Variants in SMARCA2 observed in about 807,000 individuals in gnomAD.
The protein encoded by SMARCA2 is SWI/SNF-related matrix-associated actin-dependent regulator of chromatin subfamily A member 2.
SMARCA2 carries 61 observed loss-of-function variants against 199.8 expected under a neutral mutation model. The observed-to-expected ratio is 0.31, with a 90% CI of 0.25 to 0.38. The LOEUF is 0.38. Ranked by LOEUF, SMARCA2 falls within the 10% of genes least tolerant of loss-of-function variation. SMARCA2 has a pLI of 1.00. For missense variants in SMARCA2, 1,344 were observed against 2,012.2 expected (o/e 0.67, Z 6.35); for synonymous variants, 935 against 732.0 (o/e 1.28, Z -4.48).
intron 4 of SMARCA2, chr9:2,040,284 T>G (rs1379395822): frequency 5.5e-6 from 2 of 362,888 alleles, no homozygotes; most frequent in Non-Finnish European, 9.9e-6. Context: ...TAGAGCCATT[T>G]TATAATTTGT....
intron 29 of SMARCA2, among the ~76,000 whole-genome samples, chr9:2,174,123 C>T (rs1439530574): frequency 6.6e-6 from 1 of 152,130 alleles, no homozygotes; most frequent in African/African-American, 2.4e-5. Context: ...AGAATGCTTC[C>T]CCTTATCTTC....
At chr9:2,167,962 A>G (rs550888114) in intron 28 of SMARCA2, among the ~76,000 whole-genome samples, 7 of 151,884 alleles carry the variant, frequency 4.6e-5, no homozygotes, top group Non-Finnish European at 8.8e-5. Context: ...CAATGACATT[A>G]CCTGGTACTT....
intron 5 of SMARCA2, 141 bp downstream of exon 5, chr9:2,047,625 G>T: frequency 9.4e-7 from 1 of 1,060,338 alleles, no homozygotes; most frequent in Non-Finnish European, 1.2e-6. Context: ...ATCCACTCCT[G>T]GGGCCTTCCC....
chr9:2,157,581 A>C, intron 27 of SMARCA2: 1 of 268,688 alleles, frequency 3.7e-6, no homozygotes. Flanking sequence ...TGCACATGGA[A>C]GAAATTTCCA....
intron 1 of SMARCA2, among the ~76,000 whole-genome samples, chr9:2,019,235 A>C (rs1302432104): frequency 6.6e-6 from 1 of 152,000 alleles, no homozygotes; most frequent in African/African-American, 2.4e-5. Context: ...TGAATGAGGA[A>C]TGTGGGGTAT....
intron 19 of SMARCA2, among the ~76,000 whole-genome samples, chr9:2,092,200 A>G (rs908435097): frequency 6.6e-6 from 1 of 152,164 alleles, no homozygotes; most frequent in African/African-American, 2.4e-5. Context: ...TATACTTGCA[A>G]TTGGCTGGGT....
At chr9:2,191,564 G>A in intron 33 of SMARCA2, 156 bp downstream of exon 33, 1 of 795,876 alleles carries the variant, frequency 1.3e-6, no homozygotes, top group South Asian at 1.8e-5. Context: ...TGTGAACGGA[G>A]CTGTATGATT....
intron 27 of SMARCA2, among the ~76,000 whole-genome samples, chr9:2,146,466 G>A (rs568408466): frequency 3.3e-5 from 5 of 152,238 alleles, no homozygotes; most frequent in African/African-American, 9.6e-5. Context: ...CCTTTGGATC[G>A]GGGGTTTCCT....
In SMARCA2 at chr9:2,104,159, A is replaced by G. The variant is rs140418138; in HGVS notation, c.3282A>G (p.Leu1094=). Residue 1094 remains leucine, a synonymous_variant, in exon 23 of 34, where the codon CTA becomes CTG. Coordinates refer to ENST00000349721, the MANE Select transcript of SMARCA2 (RefSeq NM_003070.5). This position sits in a 1 kb window ranked among gnomAD's most constrained non-coding sequence, Gnocchi z 4.0. Reference sequence around the variant, plus strand: ...TTGCTTTTCGGAACTTCCTTTACCTACGCCTTGATGGTAAGTGCATAAGGC... The same window carrying G: ...TTGCTTTTCGGAACTTCCTTTACCTGCGCCTTGATGGTAAGTGCATAAGGC... ...DYFAFRNFLY[L]RLDGTTKSED... 335 of 1,613,778 alleles carry G rather than the reference A, an allele frequency of 2.1e-4. 1 individual carries two copies. The Middle Eastern group carries it at 2.1e-3, about 10-fold the overall frequency.
intron 1 of SMARCA2, among the ~76,000 whole-genome samples, chr9:2,019,824 T>G (rs1391011506): frequency 6.6e-6 from 1 of 152,008 alleles, no homozygotes; most frequent in African/African-American, 2.4e-5. Context: ...TTGTTTTTTT[T>G]TTTTCTCCTT....
chr9:2,096,618 C>T (rs1563765608), intron 19 of SMARCA2, 39 bp from the exon 20 acceptor site: 6 of 1,352,988 alleles, frequency 4.4e-6, no homozygotes, highest in East Asian at 2.3e-5. Flanking sequence ...GCGCCTTCTC[C>T]TTCCTGCTCT....
chr9:2,060,531 C>G (rs1820542757), intron 8 of SMARCA2, among the ~76,000 whole-genome samples: 1 of 152,232 alleles, frequency 6.6e-6, no homozygotes, highest in Admixed American at 6.5e-5. Flanking sequence ...TAAAGCAACA[C>G]AGAAAACAAA....
chr9:2,192,934 A>AGGCC lies in SMARCA2; in HGVS notation c.*195_*196insGGCC, dbSNP rs1827992746. The AGGCC allele has an allele frequency of 3.7e-6, 2 of 540,382 alleles. No homozygotes were observed. The highest frequency in any genetic ancestry group is 3.6e-5 in the Admixed American group (1 of 27,836). The allele number at this position is 540,382 out of a possible 1,614,324, so 33.5% of individuals were successfully genotyped here. A position where few individuals can be genotyped will look rare whatever the true frequency, so the allele number is the denominator to read the frequency against. On this transcript the variant is annotated 3_prime_UTR_variant, in exon 34 of 34. Coordinates refer to ENST00000349721, the MANE Select transcript of SMARCA2 (RefSeq NM_003070.5). Reference sequence around the variant, plus strand: ...ACACACACATACACAAATATTTGTAACATATTGTGACCAAATGGGCCTCAA... The same window carrying AGGCC: ...ACACACACATACACAAATATTTGTAAGGCCCATATTGTGACCAAATGGGCCTCAA...
chr9:2,029,312 C>T, intron 2 of SMARCA2, 65 bp downstream of exon 2: 1 of 1,550,420 alleles, frequency 6.4e-7, no homozygotes, highest in Admixed American at 2.0e-5. Flanking sequence ...TTTCTGATAA[C>T]CCCATCCCCC....
intron 19 of SMARCA2, 89 bp downstream of exon 19, chr9:2,088,702 C>G (rs1821915431): frequency 2.3e-6 from 2 of 874,436 alleles, no homozygotes; most frequent in South Asian, 3.0e-5. Flanking sequence ...GTTTCTGAAA[C>G]AGCAGACTCA....
At chr9:2,113,305 T>C (rs757750700) in intron 24 of SMARCA2, among the ~76,000 whole-genome samples, 3 of 152,182 alleles carry the variant, frequency 2.0e-5, no homozygotes, top group Non-Finnish European at 4.4e-5. Context: ...ATTTCCAAAC[T>C]GTTGGTTAGA....
At chr9:2,045,287 A>G (rs1485859837) in intron 4 of SMARCA2, 2 of 152,262 alleles carry the variant, frequency 1.3e-5, no homozygotes, top group East Asian at 3.8e-4. Context: ...GCAAGGCTTC[A>G]AATATGTTTA....
intron 27 of SMARCA2, 102 bp downstream of exon 27, chr9:2,124,039 C>A (rs1823581574): frequency 2.2e-6 from 2 of 899,598 alleles, no homozygotes; most frequent in African/African-American, 1.7e-5. Flanking sequence ...AGGTTGAGTT[C>A]GCAATCAAAG....
chr9:2,159,984 A>G, intron 27 of SMARCA2: 8 of 1,545,604 alleles, frequency 5.2e-6, no homozygotes, highest in Non-Finnish European at 7.0e-6. Flanking sequence ...TGTGTAACAC[A>G]TCAAAAGCCG....
Sources: allele counts gnomAD v4.1 joint callset (sites outside exome capture counted in the v4.1 genomes callset), GRCh38; gene constraint gnomAD v4.1.1; non-coding constraint Gnocchi (gnomAD v3.1); transcripts MANE v1.5; gene names NCBI Gene and HGNC (gene_info 2026-07-23, HGNC 2026-07-21).